GBP3: variants seen among roughly 807,000 people sequenced by gnomAD.
The protein encoded by GBP3 is guanylate-binding protein 3.
A neutral mutation model predicts 62.4 loss-of-function variants in GBP3; 55 were observed. The ratio of observed to expected loss-of-function variants is 0.88; its 90% CI spans 0.71 to 1.10. GBP3 has a LOEUF of 1.10. Ranked by LOEUF, GBP3 falls within the 50% of genes least tolerant of loss-of-function variation. The pLI is 0.00. For missense variants in GBP3, 605 were observed against 690.6 expected (o/e 0.88, Z 1.39); for synonymous variants, 208 against 259.2 (o/e 0.80, Z 1.90).
chr1:89,008,863 G>T (rs781677372), intron 10 of GBP3, 84 bp downstream of exon 10: 10 of 1,597,190 alleles, frequency 6.3e-6, no homozygotes, highest in Non-Finnish European at 7.7e-6. Flanking sequence ...TGGGCTTTAT[G>T]TTCGCTCTGC....
intron 1 of GBP3, among the ~76,000 whole-genome samples, chr1:89,022,068 G>GA (rs371325192): frequency 6.7e-6 from 1 of 149,556 alleles, no homozygotes; most frequent in Admixed American, 6.6e-5. Flanking sequence ...AAAAAAAGAA[G>GA]AAAAAAAAGG....
intron 2 of GBP3, among the ~76,000 whole-genome samples, chr1:89,016,615 C>T (rs951730210): frequency 2.1e-4 from 32 of 152,074 alleles, no homozygotes; most frequent in African/African-American, 5.1e-4. Flanking sequence ...CAGAGTCTCA[C>T]GGTGTCATCC....
chr1:89,014,325 A>C (rs1356759802), intron 4 of GBP3, 46 bp from the exon 5 acceptor site: 2 of 1,613,470 alleles, frequency 1.2e-6, no homozygotes, highest in Non-Finnish European at 1.7e-6. Flanking sequence ...CAGGAACCTC[A>C]TCCCATATTA....
intron 1 of GBP3, among the ~76,000 whole-genome samples, chr1:89,022,230 AGT>A (rs1251018265): frequency 6.6e-6 from 1 of 152,170 alleles, no homozygotes; most frequent in East Asian, 1.9e-4. Flanking sequence ...GTGGGCTGCT[AGT>A]ACTCTGCATT....
rs1211832216 is a variant in GBP3, at chr1:89,007,181, A to T, written c.*543T>A. ...GATTCAATTCCTACTCTTGCTAATG[A>T]TTTCTTTACCTTCCTATGGAAAATA... On this transcript the variant is annotated 3_prime_UTR_variant, in exon 11 of 11. Coordinates refer to ENST00000370481, the MANE Select transcript of GBP3 (RefSeq NM_018284.3). The T allele has an allele frequency of 6.6e-6, 1 of 152,194 alleles. No homozygotes were observed. Among genetic ancestry groups the T allele is most frequent in the African/African-American group, 2.4e-5 (1 of 41,448 alleles). The allele number at this position is 152,194 out of a possible 1,614,324, so 9.4% of individuals were successfully genotyped here.
intron 1 of GBP3, among the ~76,000 whole-genome samples, chr1:89,021,499 T>TGCAC (rs1553178138): frequency 8.4e-6 from 1 of 119,054 alleles, no homozygotes; most frequent in Non-Finnish European, 1.8e-5. Flanking sequence ...GAAACACGCA[T>TGCAC]GCGCGCGCGC....
chr1:89,021,516 A>G (rs1486266298), intron 1 of GBP3, among the ~76,000 whole-genome samples: 165 of 121,162 alleles, frequency 1.4e-3, no homozygotes, highest in African/African-American at 3.8e-3. Flanking sequence ...GCGCGCACAC[A>G]CACACACACA....
rs147508262 is a variant in GBP3 at position 89,007,742 on chromosome 1, C to T, written c.1770G>A (p.Ser590=). 1.2e-4 allele frequency: 190 copies of T among 1,611,364 alleles called. 1 individual carries two copies. The highest frequency in any genetic ancestry group is 1.5e-4 in the South Asian group (14 of 90,492). ...CTGTTGTTTAGATCTTTAGCTTATG[C>T]GACATATATCTCTTGGTTTTTTTTT... ...TLKKKTKRYM[S]HKLKI Residue 590 remains serine (S), a synonymous_variant, in exon 11 of 11, where the codon TCG becomes TCA. Transcript: ENST00000370481.
rs941518919 is a variant in GBP3, at chr1:89,015,356, C to A, written c.249G>T (p.Val83=). 1 of 1,613,430 alleles carries A rather than the reference C, an allele frequency of 6.2e-7. No individual in the cohort carries two copies. Among genetic ancestry groups the A allele is most frequent in the Non-Finnish European group, 8.5e-7 (1 of 1,179,636 alleles). ...TGTGTTCTGGCTTTTTGGGGTGAGG[C>A]ACACACCACATCCAGATTCCTTTGG... ...SHTKGIWMWC[V]PHPKKPEHTL... is the part of the protein sequence containing the mutation. The change falls in exon 3 of 11, where the codon GTG becomes GTT. Residue 83 remains valine, a synonymous_variant. Coordinates refer to ENST00000370481, the MANE Select transcript of GBP3 (RefSeq NM_018284.3).
chr1:89,013,921 CA>C (rs1475618285), intron 5 of GBP3, 161 bp downstream of exon 5: 14 of 716,168 alleles, frequency 2.0e-5, no homozygotes, highest in Middle Eastern at 5.9e-4. Flanking sequence ...TTCCTTTTTT[CA>C]AAAAACCTTT....
At chr1:89,014,746 G>C in intron 3 of GBP3, 90 bp from the exon 4 acceptor site, 1 of 1,519,008 alleles carries the variant, frequency 6.6e-7, no homozygotes, top group East Asian at 2.3e-5. Context: ...TCATAAGTTA[G>C]AGTTTTCTTT....
chr1:89,008,746 G>A, intron 10 of GBP3: 1 of 956,232 alleles, frequency 1.0e-6, no homozygotes, highest in East Asian at 2.7e-5. Context: ...GGGACTGAAT[G>A]TGACACCCTG....
chr1:89,007,366 G>C lies in GBP3; in HGVS notation c.*358C>G. 1 of 191,200 alleles carries C rather than the reference G, an allele frequency of 5.2e-6. No individual in the cohort carries two copies. Among genetic ancestry groups the C allele is most frequent in the South Asian group, 1.1e-4 (1 of 9,150 alleles). The allele number at this position is 191,200 out of a possible 1,614,324, so 11.8% of individuals were successfully genotyped here. A position where few individuals can be genotyped will look rare whatever the true frequency, so the allele number is the denominator to read the frequency against. ...ACTGTCTTCCCTAGGAAGCTAGGAT[G>C]GTTGTTTCTGATATTGGGACCCATT... On this transcript the variant is annotated 3_prime_UTR_variant, in exon 11 of 11. Transcript: ENST00000370481.
intron 1 of GBP3, 76 bp downstream of exon 1, chr1:89,022,608 T>G (rs1270725352): frequency 6.6e-6 from 1 of 152,344 alleles, no homozygotes; most frequent in East Asian, 1.9e-4. Context: ...TTCCCATCCT[T>G]GCCACAACGT....
In GBP3 at chr1:89,009,114, G is replaced by C; in HGVS notation, c.1492C>G (p.Gln498Glu). The C allele has an allele frequency of 1.2e-6, 2 of 1,614,024 alleles. No homozygotes were observed. The highest frequency in any genetic ancestry group is 1.1e-5 in the South Asian group (1 of 91,074). ...EVECVKAESA[Q>E]ASAKMVEEMQ... ...TCCTCCACCATTTTTGCTGAAGCCTGTGCAGATTCAGCTTTTACACATTCC... is the reference window on the plus strand; with the variant it reads ...TCCTCCACCATTTTTGCTGAAGCCTCTGCAGATTCAGCTTTTACACATTCC... Residue 498 changes from glutamine to glutamate, a missense_variant, in exon 10 of 11, where the codon CAG becomes GAG. Around this residue, in one of 3 missense-constraint regions of GBP3, gnomAD observed 160 missense variants for 147.8 expected, o/e 1.08. Transcript: ENST00000370481.
At chr1:89,016,775 G>A (rs189999899) in intron 2 of GBP3, among the ~76,000 whole-genome samples, 215 of 152,214 alleles carry the variant, frequency 1.4e-3, no homozygotes, top group African/African-American at 4.4e-3. Context: ...GGGTTTCCCC[G>A]TGTTGTCCAA....
Position 89,020,599 on chromosome 1 carries a change from C to T in GBP3, c.123G>A (p.Val41=), listed in dbSNP as rs750409146. The part of the protein sequence containing the change: ...LSAITQPVVV[V]AIVGLYRTGK... ...CTGTGCGGTAGAGGCCCACAATTGCCACCACCACCACAGGCTGTGTAATGG... is the reference window on the plus strand; with the variant it reads ...CTGTGCGGTAGAGGCCCACAATTGCTACCACCACCACAGGCTGTGTAATGG... Residue 41 remains valine (V), a synonymous_variant, in exon 2 of 11, where the codon GTG becomes GTA. Coordinates refer to ENST00000370481, the MANE Select transcript of GBP3 (RefSeq NM_018284.3). The T allele has an allele frequency of 1.2e-6, 2 of 1,614,096 alleles. No homozygotes were observed. The highest frequency in any genetic ancestry group is 1.7e-6 in the Non-Finnish European group (2 of 1,179,988).
chr1:89,021,510 G>GCGCGCACACACACACA lies in GBP3; in HGVS notation c.-22-768_-22-767insTGTGTGTGTGTGCGCG, dbSNP rs751639388. ...CTAAGAAACACGCATGCGCGCGCGCGCACACACACACACACACACACACAC... is the reference window on the plus strand; with the variant it reads ...CTAAGAAACACGCATGCGCGCGCGCGCGCGCACACACACACACACACACACACACACACACACACAC... On this transcript the variant is annotated intron_variant, in intron 1 of 10. Transcript: ENST00000370481. 6.2e-4 allele frequency among the ~76,000 whole-genome samples: 82 copies of GCGCGCACACACACACA among 131,722 alleles called. 1 individual carries two copies. The highest frequency in any genetic ancestry group is 1.9e-3 in the African/African-American group (64 of 33,280). 86.4% of individuals were successfully genotyped at this position (131,722 alleles called of 152,430 possible). A position where few individuals can be genotyped will look rare whatever the true frequency, so the allele number is the denominator to read the frequency against.
At position 89,011,123 on chromosome 1, in the gene GBP3, T is replaced by C. The variant is rs372300042; in HGVS notation, c.1150-7A>G. The C allele has an allele frequency of 9.4e-5, 137 of 1,461,476 alleles. 32 individuals are homozygous for C. The highest frequency in any genetic ancestry group is 1.3e-4 in the Non-Finnish European group (132 of 1,054,952). The allele number at this position is 1,461,476 out of a possible 1,614,324, so 90.5% of individuals were successfully genotyped here. On this transcript the variant is annotated splice_polypyrimidine_tract_variant and splice_region_variant and intron_variant, in intron 7 of 10. Coordinates refer to ENST00000370481, the MANE Select transcript of GBP3 (RefSeq NM_018284.3). ...GCTTTTTGTCTAGCTGGGCCTTTAATGTAAAAATAGGAAGTAAAAAGAGTA... is the reference window on the plus strand; with the variant it reads ...GCTTTTTGTCTAGCTGGGCCTTTAACGTAAAAATAGGAAGTAAAAAGAGTA...
Sources: gnomAD v4.1 joint callset for allele counts (sites outside exome capture counted in the v4.1 genomes callset) on GRCh38, gnomAD v4.1.1 for gene constraint, gnomAD v4.1.1 regional missense constraint, MANE v1.5 for transcripts, NCBI Gene and HGNC (gene_info 2026-07-23, HGNC 2026-07-21) for gene names.